TMEM132D: variants seen among roughly 807,000 people sequenced by gnomAD.
TMEM132D encodes mature OL transmembrane protein.
TMEM132D carries 21 observed loss-of-function variants against 62.3 expected under a neutral mutation model. That is an observed-to-expected ratio of 0.34 (90% CI 0.24 to 0.49). TMEM132D has a LOEUF of 0.49. Among genes scored for constraint, TMEM132D ranks in the 20% least tolerant of loss-of-function variants. TMEM132D has a pLI of 0.99. For synonymous variants in TMEM132D, 621 were observed against 575.6 expected (o/e 1.08, Z -1.13); for missense variants, 1,346 against 1,402.8 (o/e 0.96, Z 0.65).
chr12:129,076,740 G>A (rs1393102311), intron 8 of TMEM132D, among the ~76,000 whole-genome samples: 1 of 152,170 alleles, frequency 6.6e-6, no homozygotes, highest in African/African-American at 2.4e-5. Context: ...TTGCAGGCAG[G>A]GAGTAAGAGC....
chr12:129,727,014 G>T (rs995902270), intron 1 of TMEM132D, among the ~76,000 whole-genome samples: 2 of 152,108 alleles, frequency 1.3e-5, no homozygotes, highest in Admixed American at 6.5e-5. Context: ...CTATGGGCAT[G>T]GTCCAAACAC....
At chr12:129,865,502 G>T (rs1253357796) in intron 1 of TMEM132D, among the ~76,000 whole-genome samples, 1 of 152,144 alleles carries the variant, frequency 6.6e-6, no homozygotes, top group African/African-American at 2.4e-5. Context: ...TACAACTTCT[G>T]CTCAACAGTT....
intron 5 of TMEM132D, among the ~76,000 whole-genome samples, chr12:129,203,865 G>A (rs2135562749): frequency 6.6e-6 from 1 of 152,342 alleles, no homozygotes; most frequent in South Asian, 2.1e-4. Flanking sequence ...GGGGCCTCAT[G>A]GACCAGAATA....
At chr12:129,555,722 A>T (rs1047357596) in intron 2 of TMEM132D, among the ~76,000 whole-genome samples, 3 of 152,198 alleles carry the variant, frequency 2.0e-5, no homozygotes, top group Admixed American at 6.5e-5. Context: ...TATAACCCAA[A>T]TACAATAAAA....
intron 3 of TMEM132D, among the ~76,000 whole-genome samples, chr12:129,478,408 C>T (rs370361323): frequency 3.3e-5 from 5 of 152,204 alleles, no homozygotes; most frequent in South Asian, 4.1e-4. Context: ...TATAACCTTA[C>T]GGAACCACCA....
chr12:129,140,997 G>T (rs1200469067), intron 5 of TMEM132D, among the ~76,000 whole-genome samples: 1 of 152,102 alleles, frequency 6.6e-6, no homozygotes, highest in Non-Finnish European at 1.5e-5. Context: ...CCAGGTTTTG[G>T]TCATTGGGAA....
intron 2 of TMEM132D, among the ~76,000 whole-genome samples, chr12:129,610,834 C>G (rs1389744900): frequency 2.6e-5 from 4 of 152,076 alleles, no homozygotes; most frequent in African/African-American, 7.2e-5. Context: ...AGCATATAAT[C>G]GCAGGGATTT....
chr12:129,129,564 A>G (rs9804818), intron 5 of TMEM132D, among the ~76,000 whole-genome samples: 51,945 of 152,096 alleles, frequency 0.34, 9,248 homozygotes, highest in Middle Eastern at 0.53. Flanking sequence ...AGAAATCTCC[A>G]TACTGTTTTC....
chr12:129,596,045 G>T (rs1205949086), intron 2 of TMEM132D, among the ~76,000 whole-genome samples: 1 of 152,184 alleles, frequency 6.6e-6, no homozygotes, highest in Non-Finnish European at 1.5e-5. Flanking sequence ...TGAAGAATAG[G>T]CAGCCAGTAT....
chr12:129,329,202 C>G (rs1422261717), intron 4 of TMEM132D, among the ~76,000 whole-genome samples: 1 of 151,990 alleles, frequency 6.6e-6, no homozygotes. Flanking sequence ...ACCTAATGAA[C>G]AGTAAGTATT....
intron 2 of TMEM132D, among the ~76,000 whole-genome samples, chr12:129,661,274 G>A (rs1003316025): frequency 1.3e-5 from 2 of 152,182 alleles, no homozygotes. Flanking sequence ...GCGATCTCAG[G>A]GCTGTTACAT....
At chr12:129,537,805 G>A (rs1876444441) in intron 2 of TMEM132D, among the ~76,000 whole-genome samples, 1 of 152,196 alleles carries the variant, frequency 6.6e-6, no homozygotes, top group South Asian at 2.1e-4. Flanking sequence ...ATGGGGGTGT[G>A]GCCTCCACTG....
intron 3 of TMEM132D, among the ~76,000 whole-genome samples, chr12:129,443,464 G>A (rs776890868): frequency 2.0e-4 from 30 of 152,070 alleles, no homozygotes; most frequent in Non-Finnish European, 4.1e-4. Flanking sequence ...TTTGGTGAGC[G>A]ATGGCCCACA....
At chr12:129,078,974 C>T (rs1874366124) in intron 7 of TMEM132D, among the ~76,000 whole-genome samples, 1 of 152,192 alleles carries the variant, frequency 6.6e-6, no homozygotes, top group Admixed American at 6.5e-5. Flanking sequence ...CCTCTCCCCA[C>T]ACCCCACACA....
chr12:129,706,933 T>A (rs1193947003), intron 1 of TMEM132D, among the ~76,000 whole-genome samples: 1 of 151,622 alleles, frequency 6.6e-6, no homozygotes, highest in Non-Finnish European at 1.5e-5. Flanking sequence ...AAAACATATG[T>A]GAAGCAGCCA....
At chr12:129,608,640 A>G (rs1294037927) in intron 2 of TMEM132D, among the ~76,000 whole-genome samples, 1 of 152,248 alleles carries the variant, frequency 6.6e-6, no homozygotes, top group African/African-American at 2.4e-5. Context: ...GAACCTACAT[A>G]TTCCGTAGAA....
intron 1 of TMEM132D, among the ~76,000 whole-genome samples, chr12:129,807,723 T>C (rs1483709379): frequency 6.6e-6 from 1 of 152,194 alleles, no homozygotes; most frequent in Non-Finnish European, 1.5e-5. Context: ...CAATTCTGAT[T>C]AGGTTCGGCC....
At chr12:129,861,307 T>C (rs1873888969) in intron 1 of TMEM132D, among the ~76,000 whole-genome samples, 1 of 152,220 alleles carries the variant, frequency 6.6e-6, no homozygotes, top group Non-Finnish European at 1.5e-5. Context: ...CCTTGGTTAC[T>C]CCTGGGCTTG....
At chr12:129,362,524 C>T (rs1474273005) in intron 3 of TMEM132D, among the ~76,000 whole-genome samples, 1 of 148,790 alleles carries the variant, frequency 6.7e-6, no homozygotes, top group Non-Finnish European at 1.5e-5. Flanking sequence ...CACATCATGA[C>T]ATTTAAAAAA....
Sources: gnomAD v4.1 joint callset for allele counts (sites outside exome capture counted in the v4.1 genomes callset) on GRCh38, gnomAD v4.1.1 for gene constraint, MANE v1.5 for transcripts, NCBI Gene and HGNC (gene_info 2026-07-23, HGNC 2026-07-21) for gene names.